SERINC5: variants seen among roughly 807,000 people sequenced by gnomAD.
SERINC5 encodes chromosome 5 open reading frame 12.
A neutral mutation model predicts 63.1 loss-of-function variants in SERINC5; 41 were observed. That is an observed-to-expected ratio of 0.65 (90% confidence interval 0.51 to 0.84). SERINC5 has a LOEUF of 0.84. Ranked by LOEUF, SERINC5 falls within the 40% of genes least tolerant of loss-of-function variation. The pLI is 0.00. For missense variants in SERINC5, 523 were observed against 573.0 expected, an observed-to-expected ratio of 0.91 and a Z score of 0.89; for synonymous variants, 222 against 215.2, an observed-to-expected ratio of 1.03 and a Z score of -0.28.
rs530578500 is a variant in SERINC5 at position 80,160,210 on chromosome 5, G to A, written c.860-1248C>T. Among the ~76,000 whole-genome samples, 10 of 152,318 alleles carry A rather than the reference G, an allele frequency of 6.6e-5. No individual in the cohort carries two copies. In the South Asian group the frequency reaches 1.2e-3, roughly 19 times the overall value. ...ACTGATGTCCACTGCCTGCTTGCTG[G>A]TGGGGAGAAATCTCCACTTATTTTA... On this transcript the variant is annotated intron_variant, in intron 7 of 11. Coordinates refer to ENST00000507668, the MANE Select transcript of SERINC5 (RefSeq NM_001174072.3).
At position 80,245,600 on chromosome 5, in the gene SERINC5, T is replaced by A. The variant is rs118014661; in HGVS notation, c.27+10296A>T. ...GAACTTCATTATTCTAGGCACCCAG[T>A]GAATATTTATTTTTTTTTATTTTTT... On this transcript the variant is annotated intron_variant, in intron 1 of 11. Transcript: ENST00000507668. Among the ~76,000 whole-genome samples, 82 of 138,608 alleles carry A rather than the reference T, an allele frequency of 5.9e-4. 1 individual carries two copies. In the East Asian group the frequency reaches 0.015, roughly 26 times the overall value. 90.9% of individuals were successfully genotyped at this position (138,608 alleles called of 152,430 possible).
Position 80,219,361 on chromosome 5 carries a change from T to C in SERINC5, c.28-16308A>G, listed in dbSNP as rs555129166. Among the ~76,000 whole-genome samples, 168 of 152,346 alleles carry C rather than the reference T, an allele frequency of 1.1e-3. 2 individuals are homozygous for C. The South Asian group carries it at 0.017, about 15-fold the overall frequency. On this transcript the variant is annotated intron_variant, in intron 1 of 11. Coordinates refer to ENST00000507668, the MANE Select transcript of SERINC5 (RefSeq NM_001174072.3). Reference sequence around the variant, plus strand: ...AAACACTTTTTCTCACAGTTAACTTTAGCCTTCATCATCCCTCAAACTTCA... The same window carrying C: ...AAACACTTTTTCTCACAGTTAACTTCAGCCTTCATCATCCCTCAAACTTCA...
At chr5:80,211,822 A>G (rs1364766340) in intron 1 of SERINC5, among the ~76,000 whole-genome samples, 1 of 152,240 alleles carries the variant, frequency 6.6e-6, no homozygotes, top group East Asian at 1.9e-4. Flanking sequence ...TGGCCCAGGC[A>G]GCACATATGT....
At chr5:80,118,635 C>G (rs1390206073) in intron 11 of SERINC5, among the ~76,000 whole-genome samples, 1 of 151,962 alleles carries the variant, frequency 6.6e-6, no homozygotes, top group African/African-American at 2.4e-5. Context: ...GAAACCTCTG[C>G]CTCCCAGGCT....
intron 1 of SERINC5, among the ~76,000 whole-genome samples, chr5:80,231,528 T>C (rs537853824): frequency 3.3e-5 from 5 of 152,056 alleles, no homozygotes; most frequent in Non-Finnish European, 5.9e-5. Context: ...GAATGACTGG[T>C]CACCAGTTCC....
chr5:80,186,561 A>G (rs1362688521), intron 2 of SERINC5, among the ~76,000 whole-genome samples: 1 of 152,194 alleles, frequency 6.6e-6, no homozygotes, highest in Non-Finnish European at 1.5e-5. Context: ...GAACTCACAA[A>G]TTAGGAAAAA....
chr5:80,241,373 G>A (rs560828884), intron 1 of SERINC5, among the ~76,000 whole-genome samples: 202 of 152,246 alleles, frequency 1.3e-3, no homozygotes, highest in African/African-American at 4.8e-3. Flanking sequence ...GGAGGCTGAG[G>A]CAGGAGAATT....
chr5:80,185,090 G>A (rs532323600), intron 2 of SERINC5, among the ~76,000 whole-genome samples: 36 of 152,204 alleles, frequency 2.4e-4, no homozygotes, highest in African/African-American at 8.2e-4. Flanking sequence ...GGCCAGGCTG[G>A]TTTCAAACTC....
chr5:80,226,585 C>A (rs1302227762), intron 1 of SERINC5, among the ~76,000 whole-genome samples: 1 of 152,154 alleles, frequency 6.6e-6, no homozygotes, highest in Non-Finnish European at 1.5e-5. Context: ...CTGGATGCTG[C>A]CCCTTGTGAG....
chr5:80,245,613 T>TA (rs1210057908), intron 1 of SERINC5, among the ~76,000 whole-genome samples: 1 of 142,350 alleles, frequency 7.0e-6, no homozygotes, highest in Non-Finnish European at 1.6e-5. Flanking sequence ...ATATTTATTT[T>TA]TTTTTATTTT....
chr5:80,141,894 G>A lies in SERINC5; in HGVS notation c.*1769C>T, dbSNP rs1398792787. On this transcript the variant is annotated 3_prime_UTR_variant, in exon 12 of 12. Transcript: ENST00000507668. ...AACTGAATCTCAAACACTCTAAGTA[G>A]GGAAAGTTCTAAAGGAATTCATCCC... 1.0e-5 allele frequency: 10 copies of A among 985,334 alleles called. No individual in the cohort carries two copies. The highest frequency in any genetic ancestry group is 1.2e-5 in the Non-Finnish European group (10 of 829,952). The allele number at this position is 985,334 out of a possible 1,614,324, so 61.0% of individuals were successfully genotyped here. A position where few individuals can be genotyped will look rare whatever the true frequency, so the allele number is the denominator to read the frequency against.
chr5:80,237,746 C>T (rs904825955), intron 1 of SERINC5, among the ~76,000 whole-genome samples: 1 of 151,828 alleles, frequency 6.6e-6, no homozygotes, highest in Non-Finnish European at 1.5e-5. Flanking sequence ...ATCTGCCACA[C>T]CCCTCTGCAA....
chr5:80,134,774 T>C (rs6873371), downstream of SERINC5, among the ~76,000 whole-genome samples: 1,267 of 152,336 alleles, frequency 8.3e-3, 13 homozygotes, highest in African/African-American at 0.029. Flanking sequence ...CAAACCCTCA[T>C]GGTTAGTTAG....
At chr5:80,192,133 T>G (rs1749226657) in intron 2 of SERINC5, among the ~76,000 whole-genome samples, 1 of 152,214 alleles carries the variant, frequency 6.6e-6, no homozygotes. Flanking sequence ...GCCTCCAGTG[T>G]GTACTAGCTG....
chr5:80,230,311 A>G (rs1751378994), intron 1 of SERINC5, among the ~76,000 whole-genome samples: 1 of 152,006 alleles, frequency 6.6e-6, no homozygotes, highest in Admixed American at 6.6e-5. Context: ...ACTCTACTAA[A>G]AATACAGCAA....
downstream of SERINC5, among the ~76,000 whole-genome samples, chr5:80,133,845 C>T (rs1017719003): frequency 6.6e-6 from 1 of 152,138 alleles, no homozygotes; most frequent in African/African-American, 2.4e-5. Flanking sequence ...GGCAGGGGGT[C>T]AGAAAGTGGG....
At chr5:80,188,864 G>A (rs1262042226) in intron 2 of SERINC5, among the ~76,000 whole-genome samples, 1 of 152,094 alleles carries the variant, frequency 6.6e-6, no homozygotes, top group Non-Finnish European at 1.5e-5. Flanking sequence ...GAAGGTTGAG[G>A]CTGCAGTGAG....
chr5:80,147,954 G>C (rs781447805), intron 9 of SERINC5, among the ~76,000 whole-genome samples: 1 of 152,168 alleles, frequency 6.6e-6, no homozygotes, highest in African/African-American at 2.4e-5. Flanking sequence ...CTTAGTGACA[G>C]AGCTGGAACA....
intron 1 of SERINC5, among the ~76,000 whole-genome samples, chr5:80,232,772 A>C (rs4626321): frequency 2.0e-5 from 3 of 151,668 alleles, no homozygotes; most frequent in Non-Finnish European, 4.4e-5. Context: ...GACAGAGCGA[A>C]ACTCCATCTC....
Sources: gnomAD v4.1 joint callset for allele counts (sites outside exome capture counted in the v4.1 genomes callset) on GRCh38, gnomAD v4.1.1 for gene constraint, MANE v1.5 for transcripts, NCBI Gene and HGNC (gene_info 2026-07-23, HGNC 2026-07-21) for gene names.